Variants in TMEM132D observed in about 807,000 individuals in gnomAD.
TMEM132D encodes the protein mature OL transmembrane protein.
A neutral mutation model predicts 62.3 loss-of-function variants in TMEM132D; 21 were observed. That is an observed-to-expected ratio of 0.34 (90% CI 0.24 to 0.49). TMEM132D has a LOEUF of 0.49. Ranked by LOEUF, TMEM132D falls within the 20% of genes least tolerant of loss-of-function variation. The pLI is 0.99. For missense variants in TMEM132D, 1,346 were observed against 1,402.8 expected (o/e 0.96, Z 0.65); for synonymous variants, 621 against 575.6 (o/e 1.08, Z -1.13).
At chr12:129,444,317 A>G (rs1005177031) in intron 3 of TMEM132D, among the ~76,000 whole-genome samples, 1 of 152,230 alleles carries the variant, frequency 6.6e-6, no homozygotes, top group Non-Finnish European at 1.5e-5. Flanking sequence ...AGCAGAGTAA[A>G]CAGACAACTT....
At chr12:129,486,929 C>A (rs1874598384) in intron 3 of TMEM132D, among the ~76,000 whole-genome samples, 2 of 151,220 alleles carry the variant, frequency 1.3e-5, no homozygotes, top group South Asian at 2.1e-4. Flanking sequence ...AATGAATAAG[C>A]AAACAAATAA....
At chr12:129,518,557 G>GTA (rs1159217185) in intron 3 of TMEM132D, among the ~76,000 whole-genome samples, 3,117 of 67,704 alleles carry the variant, frequency 0.046, 127 homozygotes, top group African/African-American at 0.1. Context: ...GTGTGTGTGT[G>GTA]TATATATATA....
At chr12:129,562,412 A>C (rs1438031408) in intron 2 of TMEM132D, among the ~76,000 whole-genome samples, 1 of 152,170 alleles carries the variant, frequency 6.6e-6, no homozygotes, top group African/African-American at 2.4e-5. Context: ...CAGGTTATTA[A>C]ACAGATCATT....
chr12:129,114,505 C>T (rs1354338799), intron 5 of TMEM132D, among the ~76,000 whole-genome samples: 2 of 151,064 alleles, frequency 1.3e-5, no homozygotes, highest in African/African-American at 2.4e-5. Flanking sequence ...TGTAAAAAAA[C>T]TTTTAATTTA....
intron 1 of TMEM132D, among the ~76,000 whole-genome samples, chr12:129,732,926 G>A (rs1869297506): frequency 6.6e-6 from 1 of 152,092 alleles, no homozygotes; most frequent in South Asian, 2.1e-4. Context: ...TAAAATCTCT[G>A]GACACCAAGG....
intron 7 of TMEM132D, among the ~76,000 whole-genome samples, chr12:129,080,558 C>G (rs1320627970): frequency 1.3e-5 from 2 of 152,212 alleles, no homozygotes; most frequent in African/African-American, 4.8e-5. Flanking sequence ...CTTCCACGAT[C>G]CAATCTAGTC....
chr12:129,105,779 G>A lies in TMEM132D; in HGVS notation c.1444-21077C>T, dbSNP rs563351364. 9.9e-3 allele frequency among the ~76,000 whole-genome samples: 1,493 copies of A among 151,470 alleles called. 66 individuals are homozygous for A. The highest frequency in any genetic ancestry group is 0.034 in the African/African-American group (1,377 of 40,820). ...AAGTCAGGAAACGACAGGTGCTGGAGAGGATGTGGAGAAATAGGAACAGTT... is the reference window on the plus strand; with the variant it reads ...AAGTCAGGAAACGACAGGTGCTGGAAAGGATGTGGAGAAATAGGAACAGTT... On this transcript the variant is annotated intron_variant, in intron 5 of 8. Coordinates refer to ENST00000422113, the MANE Select transcript of TMEM132D (RefSeq NM_133448.3).
At chr12:129,287,420 TAG>T (rs1881332074) in intron 4 of TMEM132D, among the ~76,000 whole-genome samples, 1 of 152,188 alleles carries the variant, frequency 6.6e-6, no homozygotes, top group Non-Finnish European at 1.5e-5. Flanking sequence ...GAATCATCAA[TAG>T]ATGCTAAAAT....
intron 2 of TMEM132D, among the ~76,000 whole-genome samples, chr12:129,597,895 G>C (rs942027517): frequency 6.6e-6 from 1 of 152,070 alleles, no homozygotes; most frequent in Non-Finnish European, 1.5e-5. Context: ...TATTGGCGGG[G>C]GGTGGATGGG....
chr12:129,868,000 G>A lies in TMEM132D; in HGVS notation c.79+35261C>T, dbSNP rs1227807834. ...CATTTGTACGGTACACACATGAGGC[G>A]GCGTTTCTATGGTACATACATGAGG... On this transcript the variant is annotated intron_variant, in intron 1 of 8. Transcript: ENST00000422113. The surrounding 1 kb of genome is among the most constrained non-coding windows in gnomAD (Gnocchi z 4.5). Among the ~76,000 whole-genome samples the A allele has an allele frequency of 4.0e-5, 6 of 149,910 alleles. No individual in the cohort carries two copies. Among genetic ancestry groups the A allele is most frequent in the Non-Finnish European group, 5.9e-5 (4 of 67,424 alleles).
At chr12:129,649,875 C>T (rs889687732) in intron 2 of TMEM132D, among the ~76,000 whole-genome samples, 43 of 149,472 alleles carry the variant, frequency 2.9e-4, no homozygotes, top group African/African-American at 1.0e-3. Context: ...TATGTGTGTG[C>T]ATGTGTGTAT....
chr12:129,737,002 G>A (rs1022590602), intron 1 of TMEM132D, among the ~76,000 whole-genome samples: 2 of 151,964 alleles, frequency 1.3e-5, no homozygotes, highest in Admixed American at 1.3e-4. Context: ...ATTTTTTGTA[G>A]AGACAAGGTT....
At chr12:129,886,767 G>A (rs1389231808) in intron 1 of TMEM132D, among the ~76,000 whole-genome samples, 4 of 152,152 alleles carry the variant, frequency 2.6e-5, no homozygotes, top group Non-Finnish European at 5.9e-5. Flanking sequence ...TCCACGTGTC[G>A]TGGAAGGGAC....
Position 129,289,437 on chromosome 12 carries a change from A to G in TMEM132D, c.1299+48197T>C, listed in dbSNP as rs541647385. On this transcript the variant is annotated intron_variant, in intron 4 of 8. Coordinates refer to ENST00000422113, the MANE Select transcript of TMEM132D (RefSeq NM_133448.3). ...CAGGCGCCTGTAATCCCAGCTACACAGAAGGCTGAGGAAGGAGAATCACTT... is the reference window on the plus strand; with the variant it reads ...CAGGCGCCTGTAATCCCAGCTACACGGAAGGCTGAGGAAGGAGAATCACTT... Among the ~76,000 whole-genome samples the G allele has an allele frequency of 2.6e-5, 4 of 151,874 alleles. No individual in the cohort carries two copies. In the East Asian group the frequency reaches 7.8e-4, roughly 30 times the overall value.
intron 3 of TMEM132D, among the ~76,000 whole-genome samples, chr12:129,466,981 T>C (rs563336500): frequency 3.9e-5 from 6 of 152,296 alleles, no homozygotes; most frequent in African/African-American, 1.2e-4. Flanking sequence ...TTTGGTTGGA[T>C]GAATAGTCCT....
At chr12:129,651,137 G>C (rs192934844) in intron 2 of TMEM132D, among the ~76,000 whole-genome samples, 2 of 152,270 alleles carry the variant, frequency 1.3e-5, no homozygotes, top group Admixed American at 1.3e-4. Flanking sequence ...TATCATGTCT[G>C]TGTGTGTATG....
chr12:129,089,520 C>CTCCATGACCGGGTGTCT (rs1874830760), intron 5 of TMEM132D, among the ~76,000 whole-genome samples: 1 of 132,670 alleles, frequency 7.5e-6, no homozygotes, highest in Non-Finnish European at 1.6e-5. Context: ...ACCGGGTGTC[C>CTCCATGACCGGGTGTCT]TCCATGACCG....
chr12:129,501,380 A>T (rs1875135241), intron 3 of TMEM132D, among the ~76,000 whole-genome samples: 1 of 152,218 alleles, frequency 6.6e-6, no homozygotes, highest in Admixed American at 6.5e-5. Context: ...GAAAAAAAAA[A>T]TCTGATTCTA....
At chr12:129,268,925 A>G (rs1880772967) in intron 4 of TMEM132D, among the ~76,000 whole-genome samples, 1 of 150,750 alleles carries the variant, frequency 6.6e-6, no homozygotes, top group South Asian at 2.1e-4. Context: ...AAGGACAAAA[A>G]ACCAAACACT....
Sources: allele counts gnomAD v4.1 joint callset (sites outside exome capture counted in the v4.1 genomes callset), GRCh38; gene constraint gnomAD v4.1.1; non-coding constraint Gnocchi (gnomAD v3.1); transcripts MANE v1.5; gene names NCBI Gene and HGNC (gene_info 2026-07-23, HGNC 2026-07-21).